Variants in DCC observed in about 807,000 individuals in gnomAD.
DCC encodes DCC netrin 1 receptor.
In DCC, 58 loss-of-function variants were observed where a neutral mutation model predicts 172.5. That is an observed-to-expected ratio of 0.34 (90% CI 0.27 to 0.42). DCC has a LOEUF of 0.42. Among genes scored for constraint, DCC ranks in the 10% least tolerant of loss-of-function variants. The pLI is 1.00. For missense variants in DCC, 1,740 were observed against 1,791.0 expected (o/e 0.97, Z 0.51); for synonymous variants, 709 against 644.5 (o/e 1.10, Z -1.52).
chr18:53,174,595 T>C (rs1343854603), intron 8 of DCC, among the ~76,000 whole-genome samples: 8 of 151,042 alleles, frequency 5.3e-5, no homozygotes, highest in East Asian at 1.9e-4. Flanking sequence ...ATAAATTCCT[T>C]GACACATACA....
intron 1 of DCC, among the ~76,000 whole-genome samples, chr18:52,446,169 C>T (rs1212116156): frequency 6.6e-6 from 1 of 152,154 alleles, no homozygotes; most frequent in Non-Finnish European, 1.5e-5. Flanking sequence ...GATCCTCCCG[C>T]CTCGGTCTCC....
At chr18:53,015,977 A>G (rs906722454) in intron 5 of DCC, among the ~76,000 whole-genome samples, 1 of 152,190 alleles carries the variant, frequency 6.6e-6, no homozygotes, top group African/African-American at 2.4e-5. Context: ...TTCATTAAGT[A>G]TAAGAATCCA....
rs547829235 is a variant in DCC at position 53,280,540 on chromosome 18, G to C, written c.1912-25038G>C. ...AAGGAGCATGCTCTGGAGTTACTGG[G>C]TGTTTTCTTTCTTCCTATGGAGCCA... On this transcript the variant is annotated intron_variant, in intron 12 of 28. Transcript: ENST00000442544. 2.6e-5 allele frequency among the ~76,000 whole-genome samples: 4 copies of C among 152,084 alleles called. No homozygotes were observed. The South Asian group carries it at 8.3e-4, about 32-fold the overall frequency.
At chr18:52,521,478 T>C (rs1367034697) in intron 1 of DCC, among the ~76,000 whole-genome samples, 3 of 152,194 alleles carry the variant, frequency 2.0e-5, no homozygotes, top group Admixed American at 2.0e-4. Flanking sequence ...GAGGGCTTTG[T>C]TTCTGGCTTG....
intron 14 of DCC, among the ~76,000 whole-genome samples, chr18:53,333,550 A>G (rs2057556725): frequency 6.6e-6 from 1 of 152,178 alleles, no homozygotes; most frequent in Non-Finnish European, 1.5e-5. Flanking sequence ...CTGTCCCCTA[A>G]GAGGAAAACA....
At chr18:53,167,934 G>A (rs4614799) in intron 8 of DCC, among the ~76,000 whole-genome samples, 49,787 of 152,026 alleles carry the variant, frequency 0.33, 9,537 homozygotes, top group East Asian at 0.59. Flanking sequence ...AGAGTCAGAA[G>A]TGTGAGTCAG....
At chr18:52,423,645 A>C (rs987322455) in intron 1 of DCC, among the ~76,000 whole-genome samples, 1 of 152,132 alleles carries the variant, frequency 6.6e-6, no homozygotes, top group Non-Finnish European at 1.5e-5. Flanking sequence ...CTGTTTACAC[A>C]TATGTGCTGA....
intron 1 of DCC, among the ~76,000 whole-genome samples, chr18:52,452,596 C>T (rs955652791): frequency 6.6e-6 from 1 of 152,154 alleles, no homozygotes; most frequent in Non-Finnish European, 1.5e-5. Flanking sequence ...AATGGGTGAA[C>T]GTGAGCTGCC....
At chr18:52,467,044 TAAA>T (rs34627953) in intron 1 of DCC, among the ~76,000 whole-genome samples, 46 of 145,556 alleles carry the variant, frequency 3.2e-4, no homozygotes, top group Non-Finnish European at 4.9e-4. Context: ...GTGGTTTTTT[TAAA>T]AAAAAAATAT....
intron 2 of DCC, among the ~76,000 whole-genome samples, chr18:52,803,417 T>C (rs1246037618): frequency 5.3e-5 from 8 of 152,184 alleles, no homozygotes; most frequent in Non-Finnish European, 1.0e-4. Context: ...CTACAGTTAA[T>C]TTTATGCATT....
chr18:53,058,999 A>G (rs760329239), intron 5 of DCC, among the ~76,000 whole-genome samples: 1 of 152,032 alleles, frequency 6.6e-6, no homozygotes, highest in South Asian at 2.1e-4. Flanking sequence ...ATTGACTCAC[A>G]GTTCAGCATG....
At chr18:53,079,550 G>T (rs183260806) in intron 7 of DCC, among the ~76,000 whole-genome samples, 3 of 152,248 alleles carry the variant, frequency 2.0e-5, no homozygotes, top group African/African-American at 4.8e-5. Context: ...CTGAATGCAC[G>T]TGTTAAGTGG....
intron 1 of DCC, among the ~76,000 whole-genome samples, chr18:52,415,098 C>A (rs1008084824): frequency 1.3e-5 from 2 of 152,188 alleles, no homozygotes; most frequent in Admixed American, 6.5e-5. Context: ...GAGATTTTTT[C>A]ATTATCATTG....
chr18:52,721,081 G>A (rs994741934), intron 1 of DCC, among the ~76,000 whole-genome samples: 6 of 152,158 alleles, frequency 3.9e-5, no homozygotes, highest in African/African-American at 1.4e-4. Context: ...TACAGATAAT[G>A]TAGGAAAAAT....
intron 1 of DCC, among the ~76,000 whole-genome samples, chr18:52,357,414 C>T (rs1304530561): frequency 6.6e-6 from 1 of 152,146 alleles, no homozygotes; most frequent in African/African-American, 2.4e-5. Flanking sequence ...ATGGTCAAAA[C>T]TGCAACAATT....
At chr18:52,342,371 G>T (rs1379640900) in intron 1 of DCC, among the ~76,000 whole-genome samples, 1 of 147,696 alleles carries the variant, frequency 6.8e-6, no homozygotes, top group Non-Finnish European at 1.5e-5. Flanking sequence ...CCCTCCCTCC[G>T]TCTGTCCCTC....
chr18:52,398,764 A>C (rs896708064), intron 1 of DCC, among the ~76,000 whole-genome samples: 1 of 151,936 alleles, frequency 6.6e-6, no homozygotes, highest in Non-Finnish European at 1.5e-5. Context: ...CTGTTTTTCC[A>C]CTGGGCTTAC....
intron 7 of DCC, among the ~76,000 whole-genome samples, chr18:53,140,662 G>A (rs2043816620): frequency 6.6e-6 from 1 of 151,906 alleles, no homozygotes; most frequent in Admixed American, 6.6e-5. Context: ...ATTCAGGAAG[G>A]GAAACTAGTA....
At chr18:53,223,736 G>A (rs1259800902) in intron 12 of DCC, among the ~76,000 whole-genome samples, 1 of 152,120 alleles carries the variant, frequency 6.6e-6, no homozygotes, top group Non-Finnish European at 1.5e-5. Flanking sequence ...ACTTTATTCA[G>A]TAGTATAGTT....
Sources: gnomAD v4.1 joint callset for allele counts (sites outside exome capture counted in the v4.1 genomes callset) on GRCh38, gnomAD v4.1.1 for gene constraint, MANE v1.5 for transcripts, NCBI Gene and HGNC (gene_info 2026-07-23, HGNC 2026-07-21) for gene names.